Variants in CENPP observed in about 807,000 individuals in gnomAD.
CENPP encodes centromere protein P.
A neutral mutation model predicts 35.6 loss-of-function variants in CENPP; 24 were observed. That is an observed-to-expected ratio of 0.67 (90% CI 0.49 to 0.95). The LOEUF (loss-of-function observed/expected upper bound fraction) is 0.95. Among genes scored for constraint, CENPP ranks in the 40% least tolerant of loss-of-function variants. CENPP has a pLI of 0.00. For missense variants in CENPP, 332 were observed against 345.3 expected, an observed-to-expected ratio of 0.96 and a Z score of 0.31; for synonymous variants, 120 against 125.5, an observed-to-expected ratio of 0.96 and a Z score of 0.29.
At chr9:92,515,424 T>G (rs944534294) in intron 5 of CENPP, among the ~76,000 whole-genome samples, 1 of 152,224 alleles carries the variant, frequency 6.6e-6, no homozygotes, top group Non-Finnish European at 1.5e-5. Flanking sequence ...TGGGCCTTAA[T>G]ACTAATTTTT....
At chr9:92,411,117 C>A (rs1323326465) in intron 5 of CENPP, among the ~76,000 whole-genome samples, 1 of 151,966 alleles carries the variant, frequency 6.6e-6, no homozygotes, top group East Asian at 1.9e-4. Context: ...GGACTACAGG[C>A]GCCTGCCACC....
At chr9:92,478,901 C>T (rs72754412) in intron 5 of CENPP, among the ~76,000 whole-genome samples, 3,458 of 151,864 alleles carry the variant, frequency 0.023, 56 homozygotes, top group South Asian at 0.07. Context: ...AGTAAAACAC[C>T]AGGAATGTGT....
chr9:92,339,588 G>A (rs959414724), intron 3 of CENPP: 3 of 152,282 alleles, frequency 2.0e-5, no homozygotes, highest in Non-Finnish European at 2.9e-5. Context: ...CATTGCCTAG[G>A]CCATTTGAGC....
At position 92,618,055 on chromosome 9, in the gene CENPP, C is replaced by T. The variant is rs547799911; in HGVS notation, c.*4906C>T. The T allele has an allele frequency of 7.6e-5, 27 of 353,656 alleles. No individual in the cohort carries two copies. The highest frequency in any genetic ancestry group is 5.8e-4 in the African/African-American group (27 of 46,766). 21.9% of individuals were successfully genotyped at this position (353,656 alleles called of 1,614,324 possible). ...CAAGATGACTCATGATAAATCCCAG[C>T]CTTAGTTTGTCCCTAGGCCTCTAGA... On this transcript the variant is annotated 3_prime_UTR_variant, in exon 8 of 8. Transcript: ENST00000375587.
intron 4 of CENPP, among the ~76,000 whole-genome samples, chr9:92,350,232 G>GT (rs1438366843): frequency 3.3e-5 from 5 of 152,126 alleles, no homozygotes; most frequent in Non-Finnish European, 7.4e-5. Context: ...ATTGAAATGG[G>GT]TTACTGCCAA....
At chr9:92,376,159 A>G (rs1355638084) in intron 4 of CENPP, among the ~76,000 whole-genome samples, 1 of 152,134 alleles carries the variant, frequency 6.6e-6, no homozygotes, top group East Asian at 1.9e-4. Context: ...CTGAGCATTC[A>G]AGTGGCTTTC....
At chr9:92,477,911 G>T (rs766571821) in intron 5 of CENPP, among the ~76,000 whole-genome samples, 2 of 152,144 alleles carry the variant, frequency 1.3e-5, no homozygotes, top group Non-Finnish European at 2.9e-5. Context: ...GGGGTGTAGG[G>T]CTTTAACACT....
chr9:92,390,714 T>G (rs965116305), intron 5 of CENPP, among the ~76,000 whole-genome samples: 8 of 152,236 alleles, frequency 5.3e-5, no homozygotes, highest in African/African-American at 1.9e-4. Context: ...TACTGAACCA[T>G]TATTCCTAGG....
intron 5 of CENPP, among the ~76,000 whole-genome samples, chr9:92,557,424 T>C (rs1849750905): frequency 6.6e-6 from 1 of 152,224 alleles, no homozygotes; most frequent in Non-Finnish European, 1.5e-5. Context: ...TTTTTCAAGC[T>C]TTTAGAATTC....
chr9:92,515,352 T>TA (rs36103769), intron 5 of CENPP: 4 of 1,117,636 alleles, frequency 3.6e-6, no homozygotes, highest in Non-Finnish European at 4.6e-6. Context: ...AATTCTTGCT[T>TA]AAAAAGTTTT....
intron 3 of CENPP, among the ~76,000 whole-genome samples, chr9:92,340,893 G>A (rs1333809742): frequency 6.6e-6 from 1 of 152,188 alleles, no homozygotes; most frequent in Admixed American, 6.5e-5. Flanking sequence ...ATTGTTCAGG[G>A]AATAAGAGAG....
At chr9:92,551,927 A>G (rs62572541) in intron 5 of CENPP, among the ~76,000 whole-genome samples, 29,082 of 69,320 alleles carry the variant, frequency 0.42, 7,304 homozygotes, top group African/African-American at 0.71. Flanking sequence ...GTGTGTGTGT[A>G]TATATATATA....
chr9:92,605,862 T>C (rs750317055), intron 5 of CENPP, among the ~76,000 whole-genome samples: 1 of 152,144 alleles, frequency 6.6e-6, no homozygotes, highest in Non-Finnish European at 1.5e-5. Flanking sequence ...AAAAGACAAC[T>C]CACAGACCGA....
At chr9:92,515,160 A>G (rs771156982) in intron 5 of CENPP, 48 of 1,608,926 alleles carry the variant, frequency 3.0e-5, no homozygotes, top group Non-Finnish European at 4.1e-5. Flanking sequence ...CAGAAAATTC[A>G]TTTCTATCAT....
Position 92,613,578 on chromosome 9 carries a change from A to AAACTG in CENPP, c.*430_*434dup, listed in dbSNP as rs1441059723. On this transcript the variant is annotated 3_prime_UTR_variant, in exon 8 of 8. Coordinates refer to ENST00000375587, the MANE Select transcript of CENPP (RefSeq NM_001012267.3). ...CGGATGCCTATGGCGCCTCATCTTT[A>AAACTG]AACTGTCCTTAGTAGCCCAGGGGAG... is the stretch of plus-strand genomic sequence containing the variant. The AAACTG allele has an allele frequency of 5.2e-6, 1 of 193,006 alleles. No homozygotes were observed. The highest frequency in any genetic ancestry group is 1.1e-5 in the Non-Finnish European group (1 of 91,878). The allele number at this position is 193,006 out of a possible 1,614,324, so 12.0% of individuals were successfully genotyped here. A position where few individuals can be genotyped will look rare whatever the true frequency, so the allele number is the denominator to read the frequency against.
chr9:92,417,073 T>G (rs145808419), intron 5 of CENPP: 1 of 1,613,952 alleles, frequency 6.2e-7, no homozygotes, highest in Non-Finnish European at 8.5e-7. Context: ...TTTCCAGAGA[T>G]TTAGGAAGAG....
chr9:92,496,518 C>A, intron 5 of CENPP: 1 of 1,589,692 alleles, frequency 6.3e-7, no homozygotes, highest in Non-Finnish European at 8.5e-7. Context: ...CACACATGGT[C>A]CCAGTAATAA....
intron 5 of CENPP, among the ~76,000 whole-genome samples, chr9:92,511,523 C>G (rs962622775): frequency 2.6e-5 from 4 of 151,920 alleles, no homozygotes; most frequent in African/African-American, 9.7e-5. Flanking sequence ...CTCTTCTTCC[C>G]CAAGCTATCC....
chr9:92,449,473 A>C (rs1433201469), intron 5 of CENPP, among the ~76,000 whole-genome samples: 2 of 133,808 alleles, frequency 1.5e-5, no homozygotes. Flanking sequence ...AAAAAAAAAA[A>C]AAAAATACCA....
Sources: gnomAD v4.1 joint callset for allele counts (sites outside exome capture counted in the v4.1 genomes callset) on GRCh38, gnomAD v4.1.1 for gene constraint, MANE v1.5 for transcripts, NCBI Gene and HGNC (gene_info 2026-07-23, HGNC 2026-07-21) for gene names.